The following MFAP3 variants were observed in gnomAD, a reference collection of about 807,000 sequenced individuals.
The protein encoded by MFAP3 is microfibril associated protein 3, also known as microfibril-associated glycoprotein 3.
A neutral mutation model predicts 20.5 loss-of-function variants in MFAP3; 8 were observed. The observed-to-expected ratio is 0.39, with a 90% CI of 0.23 to 0.70. The LOEUF (loss-of-function observed/expected upper bound fraction) is 0.70. Ranked by LOEUF, MFAP3 falls within the 30% of genes least tolerant of loss-of-function variation. The probability of loss-of-function intolerance (pLI) is 0.44; values close to 1 mark genes in which losing one functional copy is unlikely to be tolerated. For synonymous variants in MFAP3, 140 were observed against 154.0 expected (o/e 0.91, Z 0.67); for missense variants, 398 against 444.6 (o/e 0.90, Z 0.94).
Position 154,053,337 on chromosome 5 carries a change from GT to G in MFAP3, c.714del (p.Ser238ArgfsTer9), listed in dbSNP as rs1417048954. ...FARYIEELARSVPLPPLILNC... is the reference protein window; with the variant it reads ...FARYIEELARXVPLPPLILNC... The stretch of plus-strand genomic sequence containing the variant: ...CGTTATATTGAAGAACTGGCAAGAA[GT>G]GTCCCTCTTCCACCTCTTATTCTAA... On this transcript the variant is annotated frameshift_variant, in exon 3 of 3. Transcript: ENST00000522782. LOFTEE classifies it high-confidence loss of function. 6.2e-7 allele frequency: 1 copy of G among 1,614,046 alleles called. No homozygotes were observed. Among genetic ancestry groups the G allele is most frequent in the Non-Finnish European group, 8.5e-7 (1 of 1,179,960 alleles).
Position 154,054,014 on chromosome 5 carries a change from T to C in MFAP3, c.*301T>C. On this transcript the variant is annotated 3_prime_UTR_variant, in exon 3 of 3. Coordinates refer to ENST00000522782, the MANE Select transcript of MFAP3 (RefSeq NM_005927.5). Reference sequence around the variant, plus strand: ...AAGAGTCCCATGGTTTCTCTTCTGGTCACAGTTCTTCCATTGGTTGGATCT... The same window carrying C: ...AAGAGTCCCATGGTTTCTCTTCTGGCCACAGTTCTTCCATTGGTTGGATCT... The C allele has an allele frequency of 3.5e-6, 1 of 287,698 alleles. No homozygotes were observed. The highest frequency in any genetic ancestry group is 6.9e-6 in the Non-Finnish European group (1 of 143,896). The allele number at this position is 287,698 out of a possible 1,614,324, so 17.8% of individuals were successfully genotyped here.
chr5:154,049,959 C>G lies in MFAP3; in HGVS notation c.237C>G (p.His79Gln). Residue 79 changes from histidine to glutamine, a missense_variant, in exon 2 of 3, where the codon CAC (histidine) becomes CAG (glutamine). By Grantham distance (24) the His-to-Gln change is conservative. Coordinates refer to ENST00000522782, the MANE Select transcript of MFAP3 (RefSeq NM_005927.5). Reference protein sequence around the residue: ...VSIECLLTASHYEDVHWHNSK... With the variant: ...VSIECLLTASQYEDVHWHNSK... ...TTGAGTGTCTTCTCACAGCCAGTCA[C>G]TATGAAGATGTCCATTGGCACAATT... The G allele has an allele frequency of 6.2e-7, 1 of 1,613,414 alleles. No individual in the cohort carries two copies. Among genetic ancestry groups the G allele is most frequent in the Non-Finnish European group, 8.5e-7 (1 of 1,179,440 alleles).
intron 2 of MFAP3, among the ~76,000 whole-genome samples, chr5:154,050,911 T>C (rs898727810): frequency 3.3e-5 from 5 of 152,120 alleles, no homozygotes; most frequent in Admixed American, 3.3e-4. Flanking sequence ...TCTAAGATCC[T>C]CACAAGCTAC....
At chr5:154,043,613 A>G (rs185439928) in intron 1 of MFAP3, among the ~76,000 whole-genome samples, 1 of 152,232 alleles carries the variant, frequency 6.6e-6, no homozygotes, top group African/African-American at 2.4e-5. Context: ...CTTCATCCAC[A>G]AACATAGTAT....
intron 1 of MFAP3, among the ~76,000 whole-genome samples, chr5:154,042,532 G>A (rs540933603): frequency 1.3e-5 from 2 of 152,290 alleles, no homozygotes; most frequent in Admixed American, 6.5e-5. Context: ...ATTTCTGTTT[G>A]AATGTCACTA....
intron 1 of MFAP3, among the ~76,000 whole-genome samples, chr5:154,047,031 A>G (rs981892373): frequency 6.6e-6 from 1 of 151,954 alleles, no homozygotes; most frequent in African/African-American, 2.4e-5. Context: ...TCTTTACCAC[A>G]ATTTTTTAGC....
At chr5:154,047,459 C>A (rs1773092240) in intron 1 of MFAP3, among the ~76,000 whole-genome samples, 1 of 152,038 alleles carries the variant, frequency 6.6e-6, no homozygotes, top group South Asian at 2.1e-4. Context: ...AAGGAGATGG[C>A]AGGTTAAGAA....
chr5:154,038,989 G>C lies in MFAP3; in HGVS notation c.-189G>C, dbSNP rs755700596. On this transcript the variant is annotated 5_prime_UTR_variant, in exon 1 of 3. Transcript: ENST00000522782. ...TCCGAGTTAAGCCGCCGCTGAGGCC[G>C]GAAGGAGCTAGACGGCGGTCGGGTA... 16 of 152,472 alleles carry C rather than the reference G, an allele frequency of 1.0e-4. No individual in the cohort carries two copies. The highest frequency in any genetic ancestry group is 2.3e-4 in the Non-Finnish European group (16 of 68,208). 9.4% of individuals were successfully genotyped at this position (152,472 alleles called of 1,614,324 possible).
intron 2 of MFAP3, 63 bp from the exon 3 acceptor site, chr5:154,052,857 G>A (rs1773231125): frequency 1.5e-6 from 2 of 1,357,076 alleles, no homozygotes; most frequent in Non-Finnish European, 2.1e-6. Flanking sequence ...TATGGATAAG[G>A]CAGCGGGCAT....
chr5:154,045,863 T>G (rs1358038653), intron 1 of MFAP3, among the ~76,000 whole-genome samples: 2 of 152,224 alleles, frequency 1.3e-5, no homozygotes, highest in East Asian at 3.8e-4. Context: ...GAATGGAATG[T>G]GAGTGATTAT....
chr5:154,055,713 G>A lies in MFAP3; in HGVS notation c.*2000G>A, dbSNP rs111407311. Among the ~76,000 whole-genome samples, 8 of 152,040 alleles carry A rather than the reference G, an allele frequency of 5.3e-5. No individual in the cohort carries two copies. The highest frequency in any genetic ancestry group is 3.4e-3 in the Middle Eastern group (1 of 294). On this transcript the variant is annotated 3_prime_UTR_variant, in exon 3 of 3. Transcript: ENST00000522782. Reference sequence around the variant, plus strand: ...CTCCAACTCCTGGGGTCAAGCGATCGTCCTGCTTCAGCCTCCCAAGCAGCT... The same window carrying A: ...CTCCAACTCCTGGGGTCAAGCGATCATCCTGCTTCAGCCTCCCAAGCAGCT...
At chr5:154,040,925 A>C (rs79079869) in intron 1 of MFAP3, among the ~76,000 whole-genome samples, 1,682 of 152,230 alleles carry the variant, frequency 0.011, 40 homozygotes, top group African/African-American at 0.038. Flanking sequence ...TTTGTAGCAG[A>C]CACCTTTCAC....
In MFAP3 at chr5:154,057,063, CT is replaced by C. The variant is rs1277476457; in HGVS notation, c.*3354del. ...GCATGTAGCTTCACCCTAGATCAGA[CT>C]TTTGTCTCTTGGGTCCCAGATGGCA... On this transcript the variant is annotated 3_prime_UTR_variant, in exon 3 of 3. Transcript: ENST00000522782. 6.6e-6 allele frequency among the ~76,000 whole-genome samples: 1 copy of C among 152,288 alleles called. No homozygotes were observed. Among genetic ancestry groups the C allele is most frequent in the South Asian group, 2.1e-4 (1 of 4,824 alleles).
chr5:154,044,937 TAAA>T (rs36081972), intron 1 of MFAP3, among the ~76,000 whole-genome samples: 1 of 145,742 alleles, frequency 6.9e-6, no homozygotes, highest in Non-Finnish European at 1.5e-5. Flanking sequence ...TTTCTTTTTT[TAAA>T]AAAAAAAAAG....
Position 154,055,192 on chromosome 5 carries a change from G to GCATTA in MFAP3, c.*1481_*1485dup, listed in dbSNP as rs1773298946. 6.6e-6 allele frequency among the ~76,000 whole-genome samples: 1 copy of GCATTA among 152,182 alleles called. No homozygotes were observed. Among genetic ancestry groups the GCATTA allele is most frequent in the Non-Finnish European group, 1.5e-5 (1 of 68,026 alleles). On this transcript the variant is annotated 3_prime_UTR_variant, in exon 3 of 3. Coordinates refer to ENST00000522782, the MANE Select transcript of MFAP3 (RefSeq NM_005927.5). ...CTTCATATGACTTCTGATTATTGAA[G>GCATTA]CATTACTTCAGCTAGAGGCTCCTGA...
At chr5:154,046,936 G>A (rs1417167357) in intron 1 of MFAP3, among the ~76,000 whole-genome samples, 1 of 152,068 alleles carries the variant, frequency 6.6e-6, no homozygotes, top group Non-Finnish European at 1.5e-5. Flanking sequence ...TGCAGCTTCC[G>A]GAGTCTATCT....
Position 154,056,731 on chromosome 5 carries a change from A to G in MFAP3, c.*3018A>G, listed in dbSNP as rs895563731. Among the ~76,000 whole-genome samples the G allele has an allele frequency of 6.6e-6, 1 of 152,216 alleles. No individual in the cohort carries two copies. Among genetic ancestry groups the G allele is most frequent in the Non-Finnish European group, 1.5e-5 (1 of 68,032 alleles). On this transcript the variant is annotated 3_prime_UTR_variant, in exon 3 of 3. Transcript: ENST00000522782. The stretch of plus-strand genomic sequence containing the variant: ...ACCAGCTGAAGCCAGATAGACAGGT[A>G]TTAATTGAGCTGATGCCCCACTTGA...
intron 2 of MFAP3, among the ~76,000 whole-genome samples, chr5:154,051,055 T>A (rs1773181083): frequency 6.6e-6 from 1 of 152,186 alleles, no homozygotes; most frequent in Non-Finnish European, 1.5e-5. Flanking sequence ...ACTATTTTAA[T>A]CTATAGACTG....
At chr5:154,049,522 CAGTT>C in intron 1 of MFAP3, 31 bp from the exon 2 acceptor site, 1 of 564,504 alleles carries the variant, frequency 1.8e-6, no homozygotes, top group South Asian at 2.2e-5. Flanking sequence ...TTATGAATCT[CAGTT>C]GGTTAAACTT....
Sources: allele counts gnomAD v4.1 joint callset (sites outside exome capture counted in the v4.1 genomes callset), GRCh38; gene constraint gnomAD v4.1.1; transcripts MANE v1.5; gene names NCBI Gene and HGNC (gene_info 2026-07-23, HGNC 2026-07-21).